TRIQK: variants seen among roughly 807,000 people sequenced by gnomAD.
The protein encoded by TRIQK is triple QxxK/R motif containing.
In TRIQK, 10 loss-of-function variants were observed where a neutral mutation model predicts 10.8. That is an observed-to-expected ratio of 0.92 (90% CI 0.57 to 1.57). The LOEUF (loss-of-function observed/expected upper bound fraction) is 1.57. TRIQK is among the 40% of genes most tolerant of loss of function. TRIQK has a pLI of 0.00. For missense variants in TRIQK, 107 were observed against 97.7 expected (o/e 1.09, Z -0.40); for synonymous variants, 33 against 33.7 (o/e 0.98, Z 0.07).
At chr8:92,951,225 T>C (rs1811885995) in intron 2 of TRIQK, among the ~76,000 whole-genome samples, 2 of 152,032 alleles carry the variant, frequency 1.3e-5, no homozygotes, top group South Asian at 4.1e-4. Context: ...AATTTTTTAC[T>C]AAAAAAATCT....
chr8:92,920,819 T>C (rs1171562028), intron 2 of TRIQK, among the ~76,000 whole-genome samples: 1 of 151,804 alleles, frequency 6.6e-6, no homozygotes, highest in African/African-American at 2.4e-5. Context: ...AAAAAGTCTT[T>C]GAATGAAAGC....
chr8:92,912,240 A>G (rs568683137), intron 3 of TRIQK, among the ~76,000 whole-genome samples: 1 of 151,958 alleles, frequency 6.6e-6, no homozygotes, highest in South Asian at 2.1e-4. Context: ...TATGAGCACA[A>G]TAGAATAAAA....
chr8:92,929,858 T>C (rs1398177689), intron 2 of TRIQK, among the ~76,000 whole-genome samples: 2 of 152,170 alleles, frequency 1.3e-5, no homozygotes, highest in African/African-American at 4.8e-5. Context: ...ATTATATTTG[T>C]AAAAGAAGAT....
In TRIQK at chr8:92,909,920, G is replaced by A. The variant is rs562504912; in HGVS notation, c.61+7009C>T. ...AAAAGAATAACAGGGAACCTAAAACGCAAAATTAAGAAAAATTAAACAACG... is the reference window on the plus strand; with the variant it reads ...AAAAGAATAACAGGGAACCTAAAACACAAAATTAAGAAAAATTAAACAACG... On this transcript the variant is annotated intron_variant, in intron 3 of 4. Transcript: ENST00000521988. 4.4e-4 allele frequency among the ~76,000 whole-genome samples: 66 copies of A among 151,446 alleles called. 2 individuals are homozygous for A. The South Asian group carries it at 0.013, about 30-fold the overall frequency.
chr8:92,920,177 G>C (rs574556170), intron 2 of TRIQK, among the ~76,000 whole-genome samples: 2 of 151,768 alleles, frequency 1.3e-5, no homozygotes, highest in East Asian at 3.9e-4. Context: ...TATTGCAGCA[G>C]AGAGTACAAC....
At chr8:92,958,094 T>C (rs112334843) in intron 1 of TRIQK, among the ~76,000 whole-genome samples, 2 of 152,092 alleles carry the variant, frequency 1.3e-5, no homozygotes, top group African/African-American at 4.8e-5. Flanking sequence ...TAGTTTTGCA[T>C]GTCATATAAG....
At chr8:92,907,471 A>G (rs925355406) in intron 3 of TRIQK, among the ~76,000 whole-genome samples, 1 of 152,214 alleles carries the variant, frequency 6.6e-6, no homozygotes, top group African/African-American at 2.4e-5. Flanking sequence ...AACTCAAGGT[A>G]CATAATCAAC....
intron 2 of TRIQK, among the ~76,000 whole-genome samples, chr8:92,952,436 C>T (rs1429540758): frequency 1.3e-5 from 2 of 151,920 alleles, no homozygotes; most frequent in Non-Finnish European, 2.9e-5. Context: ...CACACACACA[C>T]ACACACAGAA....
At chr8:92,980,529 A>G (rs1240252875) in intron 1 of TRIQK, among the ~76,000 whole-genome samples, 1 of 152,042 alleles carries the variant, frequency 6.6e-6, no homozygotes, top group Non-Finnish European at 1.5e-5. Flanking sequence ...AAGAGTTGGC[A>G]GAACTCACTA....
At chr8:93,000,246 A>C (rs997199261) in intron 1 of TRIQK, among the ~76,000 whole-genome samples, 6 of 152,220 alleles carry the variant, frequency 3.9e-5, no homozygotes, top group Non-Finnish European at 7.3e-5. Context: ...TATCTGTATT[A>C]GTCCATTTTT....
intron 3 of TRIQK, among the ~76,000 whole-genome samples, chr8:92,906,282 C>A (rs1024371957): frequency 6.6e-6 from 1 of 152,104 alleles, no homozygotes; most frequent in Admixed American, 6.5e-5. Context: ...AATGGTCAAT[C>A]ATAGTGTTGG....
At chr8:93,010,331 A>G (rs1441518856) in intron 1 of TRIQK, among the ~76,000 whole-genome samples, 1 of 152,180 alleles carries the variant, frequency 6.6e-6, no homozygotes, top group Non-Finnish European at 1.5e-5. Flanking sequence ...TGACTTGATC[A>G]TTACTCAATG....
intron 1 of TRIQK, among the ~76,000 whole-genome samples, chr8:92,985,952 G>A (rs1005972750): frequency 2.6e-5 from 4 of 152,078 alleles, no homozygotes; most frequent in Admixed American, 2.0e-4. Flanking sequence ...AATTTACAAC[G>A]ACTAATTAAA....
chr8:93,017,511 G>A (rs1813397110), intron 1 of TRIQK: 1 of 152,214 alleles, frequency 6.6e-6, no homozygotes, highest in African/African-American at 2.4e-5. Flanking sequence ...AATTAATGTT[G>A]TGTTGCTGGG....
chr8:92,928,673 G>C (rs183389440), intron 2 of TRIQK, among the ~76,000 whole-genome samples: 2 of 152,304 alleles, frequency 1.3e-5, no homozygotes, highest in East Asian at 3.9e-4. Context: ...ATTAGCATTT[G>C]AGAAACACAG....
chr8:93,013,354 G>T (rs1353169927), intron 1 of TRIQK, among the ~76,000 whole-genome samples: 5 of 152,100 alleles, frequency 3.3e-5, no homozygotes, highest in African/African-American at 1.2e-4. Context: ...TTAGCTTCTT[G>T]TGGTTAGGAA....
intron 4 of TRIQK, among the ~76,000 whole-genome samples, chr8:92,891,721 TA>T (rs1339654917): frequency 6.6e-6 from 1 of 151,900 alleles, no homozygotes; most frequent in Non-Finnish European, 1.5e-5. Flanking sequence ...GTCTGAATAA[TA>T]CACATAGTAG....
At chr8:92,945,395 C>T (rs1181562229) in intron 2 of TRIQK, among the ~76,000 whole-genome samples, 1 of 152,218 alleles carries the variant, frequency 6.6e-6, no homozygotes, top group African/African-American at 2.4e-5. Context: ...TAGGATCTAA[C>T]TTCCCCAACA....
intron 1 of TRIQK, among the ~76,000 whole-genome samples, chr8:92,976,108 C>A (rs1812929552): frequency 1.3e-5 from 2 of 152,018 alleles, no homozygotes; most frequent in South Asian, 2.1e-4. Context: ...CCCATGTACA[C>A]TTGAAAAGAA....
Sources: gnomAD v4.1 joint callset for allele counts (sites outside exome capture counted in the v4.1 genomes callset) on GRCh38, gnomAD v4.1.1 for gene constraint, MANE v1.5 for transcripts, NCBI Gene and HGNC (gene_info 2026-07-23, HGNC 2026-07-21) for gene names.